The following TRMT44 variants were observed in gnomAD, a reference collection of about 807,000 sequenced individuals.
TRMT44 encodes the protein probable tRNA (uracil-O(2)-)-methyltransferase.
Under a neutral mutation model 77.3 loss-of-function variants are expected in TRMT44, and 78 were observed. The observed-to-expected ratio is 1.01, with a 90% CI of 0.84 to 1.22. The LOEUF is 1.22. TRMT44 is among the 50% of genes most tolerant of loss of function. TRMT44 has a pLI of 0.00. For missense variants in TRMT44, 1,090 were observed against 964.4 expected (o/e 1.13, Z -1.73); for synonymous variants, 391 against 383.3 (o/e 1.02, Z -0.23).
intron 3 of TRMT44, among the ~76,000 whole-genome samples, chr4:8,450,124 G>A (rs1002163663): frequency 4.0e-5 from 6 of 151,418 alleles, no homozygotes; most frequent in East Asian, 1.9e-4. Flanking sequence ...ATGCCACCAC[G>A]CCTGGCTAAT....
In TRMT44 at chr4:8,465,419, T is replaced by G. The variant is rs540245491; in HGVS notation, c.1352T>G (p.Phe451Cys). The change falls in exon 8 of 11, where the codon TTC becomes TGC. Residue 451 changes from phenylalanine to cysteine, a missense_variant. Physicochemically the swap from Phe to Cys is radical, Grantham distance 205 (BLOSUM62 -2). Coordinates refer to ENST00000389737, the MANE Select transcript of TRMT44 (RefSeq NM_152544.3). ...NCRFFVLPCC[F>C]FDFIGRYSRR... ...CGCTTCTTTGTCCTCCCCTGCTGCT[T>G]CTTTGACTTCATTGGAAGATACTCC... 70 of 1,613,972 alleles carry G rather than the reference T, an allele frequency of 4.3e-5. 1 individual carries two copies. The Admixed American group carries it at 6.0e-4, about 14-fold the overall frequency.
chr4:8,514,579 T>G, the TRMT44 span, among the ~76,000 whole-genome samples: 6 of 151,998 alleles, frequency 3.9e-5, no homozygotes, highest in Non-Finnish European at 7.4e-5. Context: ...GTGCACTACC[T>G]TTTACTCAAC....
chr4:8,454,085 A>G (rs1725634212), intron 5 of TRMT44, among the ~76,000 whole-genome samples: 1 of 152,112 alleles, frequency 6.6e-6, no homozygotes, highest in African/African-American at 2.4e-5. Context: ...TGGCAGAAAT[A>G]AGTTTGCCCT....
In TRMT44 at chr4:8,476,146, C is replaced by A; in HGVS notation, c.*145C>A. The A allele has an allele frequency of 1.4e-6, 1 of 716,538 alleles. No individual in the cohort carries two copies. The highest frequency in any genetic ancestry group is 2.3e-6 in the Non-Finnish European group (1 of 437,322). The allele number at this position is 716,538 out of a possible 1,614,324, so 44.4% of individuals were successfully genotyped here. A position where few individuals can be genotyped will look rare whatever the true frequency, so the allele number is the denominator to read the frequency against. ...TCTCCACATCCTCACAGTGATGAAC[C>A]GTATTTCATAAACATCACACGCCAG... is the stretch of plus-strand genomic sequence containing the variant. On this transcript the variant is annotated 3_prime_UTR_variant, in exon 11 of 11. Transcript: ENST00000389737.
chr4:8,486,854 G>A (rs1727823603), intron 2 of TRMT44, among the ~76,000 whole-genome samples: 1 of 152,316 alleles, frequency 6.6e-6, no homozygotes, highest in East Asian at 1.9e-4. Flanking sequence ...GGGTGGAGGA[G>A]TGGAGGCTGA....
At chr4:8,475,292 C>T (rs1727300617) in intron 10 of TRMT44, among the ~76,000 whole-genome samples, 1 of 152,214 alleles carries the variant, frequency 6.6e-6, no homozygotes, top group Non-Finnish European at 1.5e-5. Context: ...GGCTCTCACA[C>T]CGTGGTCCCT....
intron 2 of TRMT44, among the ~76,000 whole-genome samples, chr4:8,490,136 A>G (rs1023670280): frequency 6.6e-6 from 1 of 151,966 alleles, no homozygotes; most frequent in Admixed American, 6.5e-5. Context: ...TGCCCAACCA[A>G]TCAGCAGCAG....
intron 6 of TRMT44, among the ~76,000 whole-genome samples, chr4:8,456,014 A>G (rs754659134): frequency 1.3e-5 from 2 of 152,258 alleles, no homozygotes; most frequent in Non-Finnish European, 2.9e-5. Flanking sequence ...TACAACCATG[A>G]AATACATACA....
intron 10 of TRMT44, among the ~76,000 whole-genome samples, chr4:8,471,445 C>T (rs1726990715): frequency 6.6e-6 from 1 of 152,256 alleles, no homozygotes; most frequent in African/African-American, 2.4e-5. Context: ...TGGTCTCTCT[C>T]CCCCTATGCT....
chr4:8,507,769 C>T, the TRMT44 span, among the ~76,000 whole-genome samples: 9 of 152,148 alleles, frequency 5.9e-5, no homozygotes, highest in Admixed American at 3.3e-4. Context: ...CAGCGTGTTC[C>T]GGCCCCCGCT....
At chr4:8,489,995 T>TA (rs1727945961) in intron 2 of TRMT44, among the ~76,000 whole-genome samples, 1 of 152,140 alleles carries the variant, frequency 6.6e-6, no homozygotes, top group African/African-American at 2.4e-5. Context: ...CCTTTTGAGA[T>TA]ATGTTTTCAG....
chr4:8,472,070 A>G (rs1273141482), intron 10 of TRMT44, among the ~76,000 whole-genome samples: 2 of 148,328 alleles, frequency 1.3e-5, no homozygotes, highest in East Asian at 4.0e-4. Flanking sequence ...CTAGCATGCT[A>G]TTTCACCCCT....
chr4:8,495,821 G>T (rs1226217899), downstream of TRMT44, among the ~76,000 whole-genome samples: 2 of 152,042 alleles, frequency 1.3e-5, no homozygotes, highest in African/African-American at 4.8e-5. Context: ...TTTTTTGCTG[G>T]CAGTTGAAAC....
chr4:8,498,095 G>A (rs1035926775), downstream of TRMT44, among the ~76,000 whole-genome samples: 2 of 152,208 alleles, frequency 1.3e-5, no homozygotes, highest in South Asian at 2.1e-4. This position sits in a 1 kb window ranked among gnomAD's most constrained non-coding sequence, Gnocchi z 4.3. Context: ...GAGTGGACAT[G>A]CAGGTTTTAG....
At chr4:8,485,518 G>T (rs527276005) in intron 2 of TRMT44, among the ~76,000 whole-genome samples, 7 of 152,222 alleles carry the variant, frequency 4.6e-5, no homozygotes, top group Non-Finnish European at 7.3e-5. Context: ...TGTGGGATGG[G>T]ATATTGGCAT....
the TRMT44 span, among the ~76,000 whole-genome samples, chr4:8,508,386 G>T: frequency 6.6e-6 from 1 of 152,216 alleles, no homozygotes; most frequent in Non-Finnish European, 1.5e-5. Flanking sequence ...GGTGCCATGG[G>T]TTGTGTCTGT....
Position 8,441,170 on chromosome 4 carries a change from C to T in TRMT44, c.348C>T (p.Ala116=), listed in dbSNP as rs1286026797. 4 of 1,529,396 alleles carry T rather than the reference C, an allele frequency of 2.6e-6. No individual in the cohort carries two copies. Among genetic ancestry groups the T allele is most frequent in the Non-Finnish European group, 3.5e-6 (4 of 1,142,460 alleles). The allele number at this position is 1,529,396 out of a possible 1,614,324, so 94.7% of individuals were successfully genotyped here. Residue 116 remains alanine (A), a synonymous_variant, in exon 1 of 11, where the codon GCC becomes GCT. Transcript: ENST00000389737. ...AGCAAGAGGAGGCACAGAGGGAAGC[C>T]GCCTCAGTGCCCCTGAGGGACTCCG... is the stretch of plus-strand genomic sequence containing the variant. ...QCQQEEAQRE[A]ASVPLRDSGH... is the part of the protein sequence containing the mutation.
At chr4:8,485,815 G>C (rs560985700) in intron 2 of TRMT44, among the ~76,000 whole-genome samples, 1 of 152,292 alleles carries the variant, frequency 6.6e-6, no homozygotes, top group Non-Finnish European at 1.5e-5. Context: ...TGTCCAAGTT[G>C]GCACCAGAGT....
intron 9 of TRMT44, among the ~76,000 whole-genome samples, chr4:8,469,621 G>A (rs1055915667): frequency 6.6e-6 from 1 of 152,230 alleles, no homozygotes. Flanking sequence ...TGGAGAGCGG[G>A]GATGGGTGAG....
Sources: gnomAD v4.1 joint callset for allele counts (sites outside exome capture counted in the v4.1 genomes callset) on GRCh38, gnomAD v4.1.1 for gene constraint, Gnocchi (gnomAD v3.1) non-coding constraint, MANE v1.5 for transcripts, NCBI Gene and HGNC (gene_info 2026-07-23, HGNC 2026-07-21) for gene names.